Variants in SARDH observed in about 807,000 individuals in gnomAD.
SARDH encodes the protein sarcosine dehydrogenase, mitochondrial.
Under a neutral mutation model 109.1 loss-of-function variants are expected in SARDH, and 95 were observed. That is an observed-to-expected ratio of 0.87 (90% CI 0.74 to 1.03). The LOEUF is 1.03. SARDH is among the 50% of genes least tolerant of loss of function. The pLI, the probability that SARDH is intolerant of heterozygous loss-of-function variation, is 0.00. For missense variants in SARDH, 1,267 were observed against 1,287.8 expected, an observed-to-expected ratio of 0.98 and a Z score of 0.25; for synonymous variants, 572 against 534.8, an observed-to-expected ratio of 1.07 and a Z score of -0.96.
intron 13 of SARDH, among the ~76,000 whole-genome samples, chr9:133,702,415 TCCAGGCCACGGCCCTCC>T (rs1831521091): frequency 6.6e-6 from 1 of 152,178 alleles, no homozygotes; most frequent in African/African-American, 2.4e-5. Context: ...GCAAGCAGGC[TCCAGGCCACGGCCCTCC>T]CGGCTCTGGT....
chr9:133,669,907 G>A (rs1369457332), intron 19 of SARDH, among the ~76,000 whole-genome samples: 1 of 152,246 alleles, frequency 6.6e-6, no homozygotes, highest in Non-Finnish European at 1.5e-5. Context: ...TGCCACAGAG[G>A]GGTGGCCTGG....
At chr9:133,722,360 C>T (rs1420897321) in intron 6 of SARDH, among the ~76,000 whole-genome samples, 1 of 151,880 alleles carries the variant, frequency 6.6e-6, no homozygotes, top group Non-Finnish European at 1.5e-5. Flanking sequence ...AGGGAACTTC[C>T]TCAAAGTGCT....
chr9:133,679,610 G>A (rs3025444), intron 17 of SARDH, among the ~76,000 whole-genome samples: 2,019 of 152,292 alleles, frequency 0.013, 45 homozygotes, highest in African/African-American at 0.046. Flanking sequence ...GACCCACGGG[G>A]AATCTTGCTG....
rs1831185383 is a variant in SARDH at position 133,693,788 on chromosome 9, A to G, written c.1921+470T>C. Among the ~76,000 whole-genome samples the G allele has an allele frequency of 2.0e-5, 3 of 152,220 alleles. No homozygotes were observed. The highest frequency in any genetic ancestry group is 7.2e-5 in the African/African-American group (3 of 41,452). On this transcript the variant is annotated intron_variant, in intron 15 of 20. Coordinates refer to ENST00000439388, the MANE Select transcript of SARDH (RefSeq NM_001134707.2). This position sits in a 1 kb window ranked among gnomAD's most constrained non-coding sequence, Gnocchi z 5.6. ...ATGCAAGCAGACATGGTGGGACTGC[A>G]GCAGGCAATCAGGCATCAGCGTGGG... is the stretch of plus-strand genomic sequence containing the variant.
At chr9:133,667,840 T>G (rs1241325959) in intron 19 of SARDH, among the ~76,000 whole-genome samples, 2 of 152,124 alleles carry the variant, frequency 1.3e-5, no homozygotes, top group Non-Finnish European at 2.9e-5. Flanking sequence ...GTCACCCTAG[T>G]TTCTGTTCTC....
At chr9:133,683,134 C>T (rs2519130) in intron 17 of SARDH, among the ~76,000 whole-genome samples, 49,733 of 152,080 alleles carry the variant, frequency 0.33, 8,313 homozygotes, top group East Asian at 0.41. Flanking sequence ...GGCCTGGCTC[C>T]TAGGCCACAC....
In SARDH at chr9:133,734,044, G is replaced by A. The variant is rs763155880; in HGVS notation, c.130C>T (p.Arg44Trp). The A allele has an allele frequency of 7.6e-5, 122 of 1,613,338 alleles. No homozygotes were observed. The Admixed American group carries it at 1.7e-3, about 22-fold the overall frequency. The change falls in exon 2 of 21, where the codon CGG becomes TGG. Residue 44 changes from arginine to tryptophan, a missense_variant. Transcript: ENST00000439388. ...PTAEKSVPYQ[R>W]TLKEGQGTSV... ...GTGCCCTGTCCCTCCTTCAGGGTCC[G>A]CTGATATGGCACACTCTTCTCGGCT...
At chr9:133,700,141 A>G (rs754749532) in intron 13 of SARDH, among the ~76,000 whole-genome samples, 179 of 152,308 alleles carry the variant, frequency 1.2e-3, no homozygotes, top group Non-Finnish European at 2.3e-3. Flanking sequence ...AGCCTGGTCA[A>G]CATGGTGAAA....
At chr9:133,672,496 G>T (rs531461417) in intron 17 of SARDH, among the ~76,000 whole-genome samples, 2 of 152,334 alleles carry the variant, frequency 1.3e-5, no homozygotes, top group South Asian at 4.1e-4. Context: ...CAGAAGCTCT[G>T]AGACACGTCT....
At chr9:133,695,415 C>T (rs1001157752) in intron 14 of SARDH, among the ~76,000 whole-genome samples, 4 of 152,178 alleles carry the variant, frequency 2.6e-5, no homozygotes, top group Admixed American at 1.3e-4. Context: ...TGCACTCCAG[C>T]CTGAGCGACA....
chr9:133,735,528 A>G (rs575730277), intron 1 of SARDH, among the ~76,000 whole-genome samples: 2 of 152,332 alleles, frequency 1.3e-5, no homozygotes, highest in East Asian at 1.9e-4. Context: ...AGGAGTCACC[A>G]TGTCCTGGGG....
At chr9:133,732,106 C>T (rs757564356) in intron 3 of SARDH, among the ~76,000 whole-genome samples, 12 of 152,172 alleles carry the variant, frequency 7.9e-5, no homozygotes, top group Non-Finnish European at 8.8e-5. Context: ...CAAGGGGCAG[C>T]GCAAGGGCTG....
At chr9:133,678,025 G>A (rs141592021) in intron 17 of SARDH, among the ~76,000 whole-genome samples, 131 of 152,322 alleles carry the variant, frequency 8.6e-4, no homozygotes, top group African/African-American at 3.0e-3. Context: ...GAAGGTTCTG[G>A]AGGTCAGACC....
intron 19 of SARDH, among the ~76,000 whole-genome samples, chr9:133,670,328 CAAAAAAAAAAA>C (rs5901026): frequency 3.9e-5 from 4 of 103,272 alleles, no homozygotes; most frequent in Non-Finnish European, 6.0e-5. Context: ...GACTCCGTCT[CAAAAAAAAAAA>C]AAAAAAAAAG....
At chr9:133,714,465 A>C (rs1209396495) in intron 8 of SARDH, among the ~76,000 whole-genome samples, 1 of 152,140 alleles carries the variant, frequency 6.6e-6, no homozygotes, top group Non-Finnish European at 1.5e-5. Flanking sequence ...GGCTCCAGAG[A>C]AGGTGACGAT....
chr9:133,700,317 AC>A (rs1295507289), intron 13 of SARDH, among the ~76,000 whole-genome samples: 1 of 152,080 alleles, frequency 6.6e-6, no homozygotes, highest in Non-Finnish European at 1.5e-5. Context: ...ACAGAGCAAG[AC>A]CCCATCTCAA....
intron 13 of SARDH, among the ~76,000 whole-genome samples, chr9:133,700,665 G>A (rs1043364778): frequency 6.6e-6 from 1 of 151,964 alleles, no homozygotes; most frequent in Non-Finnish European, 1.5e-5. Flanking sequence ...CCTTTTAAAT[G>A]AATAAATCAT....
intron 1 of SARDH, among the ~76,000 whole-genome samples, chr9:133,736,741 C>A (rs1832898308): frequency 6.6e-6 from 1 of 152,190 alleles, no homozygotes; most frequent in Non-Finnish European, 1.5e-5. Context: ...CTCACAACAG[C>A]CCTCAATGGA....
chr9:133,713,441 T>C (rs1433364324), intron 8 of SARDH, among the ~76,000 whole-genome samples: 8 of 152,172 alleles, frequency 5.3e-5, no homozygotes, highest in African/African-American at 1.9e-4. Flanking sequence ...CTGGAGACCA[T>C]GCTGCGGCTC....
Sources: gnomAD v4.1 joint callset for allele counts (sites outside exome capture counted in the v4.1 genomes callset) on GRCh38, gnomAD v4.1.1 for gene constraint, Gnocchi (gnomAD v3.1) non-coding constraint, MANE v1.5 for transcripts, NCBI Gene and HGNC (gene_info 2026-07-23, HGNC 2026-07-21) for gene names.